The following TRIOBP variants were observed in gnomAD, a reference collection of about 807,000 sequenced individuals.
TRIOBP encodes TRIO and F-actin binding protein.
Under a neutral mutation model 238.8 loss-of-function variants are expected in TRIOBP, and 169 were observed. The observed-to-expected ratio is 0.71, with a 90% CI of 0.62 to 0.80. The LOEUF is 0.80. Among genes scored for constraint, TRIOBP ranks in the 30% least tolerant of loss-of-function variants. The pLI is 0.00. For synonymous variants in TRIOBP, 1,150 were observed against 1,274.4 expected, an observed-to-expected ratio of 0.90 and a Z score of 2.08; for missense variants, 2,838 against 3,122.6, an observed-to-expected ratio of 0.91 and a Z score of 2.17.
chr22:37,770,240 A>G (rs973077607), intron 21 of TRIOBP, among the ~76,000 whole-genome samples: 2 of 148,560 alleles, frequency 1.3e-5, no homozygotes, highest in African/African-American at 2.5e-5. Context: ...GATCAAGACC[A>G]TCCTGGCTAA....
chr22:37,770,024 G>A (rs1324647524), intron 21 of TRIOBP, among the ~76,000 whole-genome samples: 1 of 150,358 alleles, frequency 6.7e-6, no homozygotes, highest in Non-Finnish European at 1.5e-5. Flanking sequence ...CACCACACCC[G>A]GCCTTAGTAT....
Position 37,758,115 on chromosome 22 carries a change from G to A in TRIOBP, c.6190G>A (p.Gly2064Ser), listed in dbSNP as rs779397364. The change falls in exon 16 of 24, where the codon GGC (glycine) becomes AGC (serine). Residue 2064 changes from glycine (G) to serine (S), a missense_variant. Transcript: ENST00000644935. Reference sequence around the variant, plus strand: ...AGAGCGCCGAGGGCCCCCAAGTGACGGCCACGAGGCACTGGAGAAGGAGGT... The same window carrying A: ...AGAGCGCCGAGGGCCCCCAAGTGACAGCCACGAGGCACTGGAGAAGGAGGT... ...RGERRGPPSD[G>S]HEALEKEVQA... 5.0e-6 allele frequency: 8 copies of A among 1,610,854 alleles called. No homozygotes were observed. In the African/African-American group the frequency reaches 5.3e-5, roughly 11 times the overall value.
chr22:37,766,983 T>A (rs1019823764), intron 18 of TRIOBP, among the ~76,000 whole-genome samples: 8 of 147,852 alleles, frequency 5.4e-5, no homozygotes, highest in African/African-American at 2.0e-4. Context: ...CCAGGCACTG[T>A]GGCTCATGCC....
intron 17 of TRIOBP, chr22:37,759,502 C>T: frequency 6.2e-7 from 1 of 1,607,884 alleles, no homozygotes; most frequent in Non-Finnish European, 8.5e-7. Flanking sequence ...GTCACCCCGC[C>T]TGCAGGTCTC....
At chr22:37,766,016 A>T (rs1926476452) in intron 18 of TRIOBP, among the ~76,000 whole-genome samples, 199 bp downstream of exon 18, 1 of 152,190 alleles carries the variant, frequency 6.6e-6, no homozygotes, top group South Asian at 2.1e-4. Flanking sequence ...AGGCAGTAAA[A>T]GATACCCTCC....
chr22:37,730,973 A>C (rs1030631707), intron 7 of TRIOBP, among the ~76,000 whole-genome samples: 1 of 151,528 alleles, frequency 6.6e-6, no homozygotes, highest in Admixed American at 6.6e-5. Context: ...AAAAAGTTAC[A>C]AACAGCCTGC....
intron 11 of TRIOBP, among the ~76,000 whole-genome samples, chr22:37,742,362 A>G (rs565687706): frequency 2.2e-4 from 33 of 151,018 alleles, no homozygotes; most frequent in African/African-American, 7.5e-4. Context: ...TCCCAGGTTC[A>G]AGCGATTCTG....
chr22:37,747,889 C>G (rs1925366709), intron 11 of TRIOBP, among the ~76,000 whole-genome samples: 5 of 152,226 alleles, frequency 3.3e-5, no homozygotes, highest in Admixed American at 3.3e-4. Context: ...GTTGCCTGTC[C>G]TGGGGGCAGC....
At chr22:37,753,289 T>C (rs991564674) in intron 12 of TRIOBP, among the ~76,000 whole-genome samples, 10 of 152,080 alleles carry the variant, frequency 6.6e-5, no homozygotes, top group African/African-American at 2.2e-4. Context: ...TTTTTTTTTT[T>C]CTGAGGCAGA....
At chr22:37,704,036 C>T (rs1036677033) in intron 3 of TRIOBP, among the ~76,000 whole-genome samples, 13 of 152,050 alleles carry the variant, frequency 8.5e-5, no homozygotes, top group African/African-American at 3.1e-4. Flanking sequence ...TTCATACGTA[C>T]TGAATAGGTG....
At chr22:37,745,084 T>C (rs1319252964) in intron 11 of TRIOBP, among the ~76,000 whole-genome samples, 4 of 152,076 alleles carry the variant, frequency 2.6e-5, no homozygotes, top group Admixed American at 1.3e-4. Flanking sequence ...AGTCTGCTCT[T>C]GAACTCCTGA....
chr22:37,714,910 C>T (rs1923436869), intron 5 of TRIOBP, among the ~76,000 whole-genome samples: 1 of 152,036 alleles, frequency 6.6e-6, no homozygotes. Context: ...GTGCTTTTTA[C>T]TGAGGCCATG....
At position 37,724,760 on chromosome 22, in the gene TRIOBP, G is replaced by A. The variant is rs528729827; in HGVS notation, c.2204G>A (p.Arg735His). ...ARRDNPRASS[R>H]NRTIQRDNPR... is the part of the protein sequence containing the mutation. Reference sequence around the variant, plus strand: ...CGGGACAATCCCAGAGCCTCCTCTCGCAACAGAACCATCCAGCGAGACAAC... The same window carrying A: ...CGGGACAATCCCAGAGCCTCCTCTCACAACAGAACCATCCAGCGAGACAAC... The change falls in exon 7 of 24, where the codon CGC becomes CAC. Residue 735 changes from arginine to histidine, a missense_variant. By Grantham distance (29) the Arg-to-His change is conservative. Coordinates refer to ENST00000644935, the MANE Select transcript of TRIOBP (RefSeq NM_001039141.3). 12 of 1,445,048 alleles carry A rather than the reference G, an allele frequency of 8.3e-6. No homozygotes were observed. The highest frequency in any genetic ancestry group is 1.8e-4 in the Middle Eastern group (1 of 5,438). 89.5% of individuals were successfully genotyped at this position (1,445,048 alleles called of 1,614,324 possible). A position where few individuals can be genotyped will look rare whatever the true frequency, so the allele number is the denominator to read the frequency against.
chr22:37,713,563 C>A, intron 5 of TRIOBP, 152 bp downstream of exon 5: 1 of 960,978 alleles, frequency 1.0e-6, no homozygotes, highest in Non-Finnish European at 1.6e-6. Flanking sequence ...TCGGGCCACC[C>A]CGGCGAACCC....
intron 17 of TRIOBP, among the ~76,000 whole-genome samples, chr22:37,764,071 C>T (rs73411526): frequency 0.039 from 6,014 of 152,324 alleles, 164 homozygotes; most frequent in African/African-American, 0.074. Flanking sequence ...CTGCCCCCTT[C>T]GTCCACTTTT....
At chr22:37,745,152 C>G (rs955311410) in intron 11 of TRIOBP, among the ~76,000 whole-genome samples, 7 of 152,166 alleles carry the variant, frequency 4.6e-5, no homozygotes, top group African/African-American at 1.7e-4. Context: ...ACCTGAACCA[C>G]CGCGCCCGGC....
At position 37,725,536 on chromosome 22, in the gene TRIOBP, C is replaced by A. The variant is rs1924092759; in HGVS notation, c.2980C>A (p.Pro994Thr). Reference sequence around the variant, plus strand: ...CCAGAGCACCTCCCGAACTTCCTCACCTGTGTACCCCGCTGCCTATGGGGC... The same window carrying A: ...CCAGAGCACCTCCCGAACTTCCTCAACTGTGTACCCCGCTGCCTATGGGGC... ...GHQSTSRTSSPVYPAAYGAPL... is the reference protein window; with the variant it reads ...GHQSTSRTSSTVYPAAYGAPL... Residue 994 changes from proline (P) to threonine (T), a missense_variant, in exon 7 of 24, where the codon CCT becomes ACT. By Grantham distance (38) the Pro-to-Thr change is conservative (BLOSUM62 -1). This residue lies in a region of TRIOBP where 2,096 missense variants were observed against 2,137.4 expected (regional missense o/e 0.98). Coordinates refer to ENST00000644935, the MANE Select transcript of TRIOBP (RefSeq NM_001039141.3). 6.2e-7 allele frequency: 1 copy of A among 1,613,774 alleles called. No individual in the cohort carries two copies. Among genetic ancestry groups the A allele is most frequent in the Non-Finnish European group, 8.5e-7 (1 of 1,180,006 alleles).
chr22:37,774,123 T>TA lies in TRIOBP; in HGVS notation c.*360dup, dbSNP rs35269997. The stretch of plus-strand genomic sequence containing the variant: ...TTTTTTTCCAAAACACTTTATACTT[T>TA]AAAAAAAAAAAAAAAAAGCAATTCC... On this transcript the variant is annotated 3_prime_UTR_variant, in exon 24 of 24. Coordinates refer to ENST00000644935, the MANE Select transcript of TRIOBP (RefSeq NM_001039141.3). The TA allele has an allele frequency of 0.55, 76,388 of 139,480 alleles. 21,185 individuals carry two copies. The highest frequency in any genetic ancestry group is 0.66 in the East Asian group (3,108 of 4,732). 8.6% of individuals were successfully genotyped at this position (139,480 alleles called of 1,614,324 possible). A position where few individuals can be genotyped will look rare whatever the true frequency, so the allele number is the denominator to read the frequency against.
At position 37,759,777 on chromosome 22, in the gene TRIOBP, C is replaced by A. The variant is rs1035599846; in HGVS notation, c.6324+513C>A. ...CGGTTCTCAACGGGGTCCATTTTGTCCCCCTTGGGGACATTTGGCTGTGTC... is the reference window on the plus strand; with the variant it reads ...CGGTTCTCAACGGGGTCCATTTTGTACCCCTTGGGGACATTTGGCTGTGTC... On this transcript the variant is annotated intron_variant, in intron 17 of 23. Coordinates refer to ENST00000644935, the MANE Select transcript of TRIOBP (RefSeq NM_001039141.3). 2.9e-6 allele frequency: 4 copies of A among 1,383,596 alleles called. No homozygotes were observed. In the African/African-American group the frequency reaches 5.8e-5, roughly 20 times the overall value. 85.7% of individuals were successfully genotyped at this position (1,383,596 alleles called of 1,614,324 possible). A position where few individuals can be genotyped will look rare whatever the true frequency, so the allele number is the denominator to read the frequency against.
Sources: gnomAD v4.1 joint callset for allele counts (sites outside exome capture counted in the v4.1 genomes callset) on GRCh38, gnomAD v4.1.1 for gene constraint, gnomAD v4.1.1 regional missense constraint, MANE v1.5 for transcripts, NCBI Gene and HGNC (gene_info 2026-07-23, HGNC 2026-07-21) for gene names.